Variants in CTNNA2 observed in about 807,000 individuals in gnomAD.
CTNNA2 encodes the protein catenin alpha-2.
CTNNA2 carries 42 observed loss-of-function variants against 101.0 expected under a neutral mutation model. That is an observed-to-expected ratio of 0.42 (90% CI 0.32 to 0.54). The LOEUF (loss-of-function observed/expected upper bound fraction) is 0.54, where lower values mean the gene tolerates loss of function less well. Among genes scored for constraint, CTNNA2 ranks in the 20% least tolerant of loss-of-function variants. The pLI, the probability that CTNNA2 is intolerant of heterozygous loss-of-function variation, is 0.14. For synonymous variants in CTNNA2, 450 were observed against 456.4 expected (o/e 0.99, Z 0.18); for missense variants, 871 against 1,223.1 (o/e 0.71, Z 4.29).
chr2:80,613,201 A>G (rs1206399222), intron 17 of CTNNA2, among the ~76,000 whole-genome samples: 2 of 151,626 alleles, frequency 1.3e-5, no homozygotes, highest in East Asian at 3.9e-4. Context: ...TAGTGAAACT[A>G]TAACCATTTA....
intron 2 of CTNNA2, among the ~76,000 whole-genome samples, chr2:79,239,663 A>G (rs768797049): frequency 6.6e-6 from 1 of 152,242 alleles, no homozygotes; most frequent in African/African-American, 2.4e-5. Context: ...CAAAATTGCC[A>G]AAAGCAATTG....
Position 80,302,750 on chromosome 2 carries a change from A to G in CTNNA2, c.1057-90461A>G, listed in dbSNP as rs372776084. The G allele has an allele frequency of 6.2e-7, 1 of 1,613,048 alleles. No homozygotes were observed. The highest frequency in any genetic ancestry group is 1.3e-5 in the African/African-American group (1 of 74,938). On this transcript the variant is annotated intron_variant, in intron 7 of 18. Transcript: ENST00000402739. The surrounding 1 kb of genome is among the most constrained non-coding windows in gnomAD (Gnocchi z 6.4). ...ATCCTCGCACAGGTGGAAGGCGTAC[A>G]CGGCGTCCAGGACGTCCTCGCCCTG...
At chr2:79,886,080 C>T (rs1475311168) in intron 6 of CTNNA2, among the ~76,000 whole-genome samples, 3 of 152,154 alleles carry the variant, frequency 2.0e-5, no homozygotes, top group African/African-American at 4.8e-5. Flanking sequence ...ATAGACGCTG[C>T]AATGCATAAA....
At chr2:79,405,700 T>C (rs36089022) in intron 4 of CTNNA2, among the ~76,000 whole-genome samples, 27,680 of 152,014 alleles carry the variant, frequency 0.18, 2,798 homozygotes, top group African/African-American at 0.26. Flanking sequence ...AGCGATGTTA[T>C]TATATGTGTA....
At chr2:80,511,010 T>G (rs930916568) in intron 9 of CTNNA2, among the ~76,000 whole-genome samples, 3 of 152,176 alleles carry the variant, frequency 2.0e-5, no homozygotes, top group East Asian at 1.9e-4. Context: ...ATATCATCTC[T>G]CAGGGAAGGG....
Position 79,585,608 on chromosome 2 carries a change from A to G in CTNNA2, c.-5-65944A>G, listed in dbSNP as rs1331285045. Among the ~76,000 whole-genome samples, 6 of 152,258 alleles carry G rather than the reference A, an allele frequency of 3.9e-5. No individual in the cohort carries two copies. In the East Asian group the frequency reaches 1.2e-3, roughly 29 times the overall value. On this transcript the variant is annotated intron_variant, in intron 1 of 18. Transcript: ENST00000402739. ...AACAAAAGGCTTTTTTACATTAGAA[A>G]GTTTATCAGTGATGAGATTTTTAGT...
intron 2 of CTNNA2, among the ~76,000 whole-genome samples, chr2:79,278,361 G>A (rs1675270629): frequency 6.6e-6 from 1 of 152,012 alleles, no homozygotes. Flanking sequence ...GAGCGAGCAT[G>A]GTCACTATTT....
intron 2 of CTNNA2, among the ~76,000 whole-genome samples, chr2:79,243,977 G>A (rs985828613): frequency 6.6e-6 from 1 of 152,088 alleles, no homozygotes; most frequent in African/African-American, 2.4e-5. Flanking sequence ...TCAGAAAGCA[G>A]GGTCTGAGCA....
At chr2:80,642,086 T>C (rs530811099) in intron 18 of CTNNA2, among the ~76,000 whole-genome samples, 13 of 152,280 alleles carry the variant, frequency 8.5e-5, no homozygotes, top group South Asian at 2.1e-4. Context: ...TCCAAAGTTA[T>C]ACTCAGCATT....
At chr2:80,387,374 C>T (rs2149358422) in intron 7 of CTNNA2, among the ~76,000 whole-genome samples, 1 of 151,954 alleles carries the variant, frequency 6.6e-6, no homozygotes, top group East Asian at 1.9e-4. Context: ...GAGTCAGTAT[C>T]AGTTGTGTAT....
intron 7 of CTNNA2, among the ~76,000 whole-genome samples, chr2:80,108,376 A>T (rs1166721183): frequency 1.3e-5 from 2 of 152,154 alleles, no homozygotes; most frequent in Non-Finnish European, 2.9e-5. Context: ...TAAAATCACT[A>T]TGCTGCCCCC....
intron 1 of CTNNA2, among the ~76,000 whole-genome samples, chr2:79,581,063 C>T (rs958790506): frequency 6.6e-5 from 10 of 152,154 alleles, no homozygotes; most frequent in African/African-American, 1.7e-4. Context: ...GATTCCCTTA[C>T]GTTATTGCCA....
chr2:79,215,738 T>G (rs866560890), intron 2 of CTNNA2, among the ~76,000 whole-genome samples: 3 of 152,120 alleles, frequency 2.0e-5, no homozygotes, highest in Non-Finnish European at 4.4e-5. Context: ...TCTAGCCACC[T>G]TTTTAAGAGG....
chr2:80,189,040 A>G (rs546113644), intron 7 of CTNNA2, among the ~76,000 whole-genome samples: 1 of 136,038 alleles, frequency 7.4e-6, no homozygotes, highest in East Asian at 2.2e-4. Flanking sequence ...GCAACCTCCC[A>G]TCTCCAGGTT....
At chr2:80,471,769 GT>G (rs1685322183) in intron 9 of CTNNA2, among the ~76,000 whole-genome samples, 1 of 152,082 alleles carries the variant, frequency 6.6e-6, no homozygotes, top group African/African-American at 2.4e-5. Context: ...AACAGTAGAG[GT>G]TTTTTGTTTG....
chr2:79,488,700 T>C (rs375461209), intron 4 of CTNNA2, among the ~76,000 whole-genome samples: 1 of 152,168 alleles, frequency 6.6e-6, no homozygotes, highest in East Asian at 1.9e-4. Context: ...TGGGCTCTTC[T>C]CAATGAACAA....
intron 4 of CTNNA2, among the ~76,000 whole-genome samples, chr2:79,471,208 T>A (rs1670994817): frequency 6.6e-6 from 1 of 152,170 alleles, no homozygotes; most frequent in South Asian, 2.1e-4. Context: ...TGGATGAGGC[T>A]GCCATGTGAT....
intron 7 of CTNNA2, among the ~76,000 whole-genome samples, chr2:80,221,044 G>A (rs1202694830): frequency 6.6e-6 from 1 of 152,074 alleles, no homozygotes; most frequent in Non-Finnish European, 1.5e-5. Context: ...AAGCATGCCG[G>A]GCTAATTTTG....
At chr2:80,556,380 A>AG (rs542915025) in intron 12 of CTNNA2, among the ~76,000 whole-genome samples, 5 of 152,202 alleles carry the variant, frequency 3.3e-5, no homozygotes, top group Non-Finnish European at 7.3e-5. Flanking sequence ...GAAAGCATAA[A>AG]GGTTTTAGAT....
Sources: allele counts gnomAD v4.1 joint callset (sites outside exome capture counted in the v4.1 genomes callset), GRCh38; gene constraint gnomAD v4.1.1; non-coding constraint Gnocchi (gnomAD v3.1); transcripts MANE v1.5; gene names NCBI Gene and HGNC (gene_info 2026-07-23, HGNC 2026-07-21).